WIPF1: variants seen among roughly 807,000 people sequenced by gnomAD.
The protein encoded by WIPF1 is WAS/WASL interacting protein family member 1.
A neutral mutation model predicts 35.4 loss-of-function variants in WIPF1; 13 were observed. That is an observed-to-expected ratio of 0.37 (90% CI 0.24 to 0.58). The LOEUF is 0.58. Among genes scored for constraint, WIPF1 ranks in the 20% least tolerant of loss-of-function variants. The pLI, the probability that WIPF1 is intolerant of heterozygous loss-of-function variation, is 0.74. For synonymous variants in WIPF1, 267 were observed against 266.3 expected (o/e 1.00, Z -0.02); for missense variants, 591 against 667.0 (o/e 0.89, Z 1.25).
chr2:174,610,751 A>G (rs1400945604), intron 1 of WIPF1, among the ~76,000 whole-genome samples: 1 of 152,166 alleles, frequency 6.6e-6, no homozygotes, highest in African/African-American at 2.4e-5. Flanking sequence ...GTGTCAGAAT[A>G]GCCCGACATA....
intron 1 of WIPF1, among the ~76,000 whole-genome samples, chr2:174,607,976 T>C (rs1246188390): frequency 6.6e-6 from 1 of 152,108 alleles, no homozygotes; most frequent in Non-Finnish European, 1.5e-5. Flanking sequence ...GGCAAAAAGG[T>C]GCCAGGATAA....
At chr2:174,566,990 G>T in intron 7 of WIPF1, 80 bp downstream of exon 7, 1 of 1,409,130 alleles carries the variant, frequency 7.1e-7, no homozygotes, top group Non-Finnish European at 1.0e-6. Context: ...CAGGCAAGAA[G>T]CCTGGACTTT....
At chr2:174,649,112 A>G (rs1437043908) in intron 1 of WIPF1, among the ~76,000 whole-genome samples, 2 of 152,170 alleles carry the variant, frequency 1.3e-5, no homozygotes, top group African/African-American at 2.4e-5. Flanking sequence ...GATGACAGAC[A>G]TGAATCTGCA....
At chr2:174,612,126 G>A (rs1256618942) in intron 1 of WIPF1, among the ~76,000 whole-genome samples, 2 of 152,026 alleles carry the variant, frequency 1.3e-5, no homozygotes, top group Non-Finnish European at 2.9e-5. Flanking sequence ...CAAACTCTTG[G>A]CCTCAAGCAA....
intron 1 of WIPF1, among the ~76,000 whole-genome samples, chr2:174,624,101 G>A (rs905925497): frequency 1.3e-5 from 2 of 152,276 alleles, no homozygotes; most frequent in African/African-American, 4.8e-5. Flanking sequence ...CCTCACAGCT[G>A]CAAAAGGCAA....
intron 1 of WIPF1, among the ~76,000 whole-genome samples, chr2:174,646,907 G>A (rs770761826): frequency 8.5e-5 from 13 of 152,164 alleles, no homozygotes; most frequent in Non-Finnish European, 1.6e-4. Context: ...GAGCCACCAC[G>A]CAGAGCCATG....
At chr2:174,658,128 A>G (rs13417690) in intron 1 of WIPF1, among the ~76,000 whole-genome samples, 1,571 of 152,242 alleles carry the variant, frequency 0.01, 36 homozygotes, top group African/African-American at 0.035. Context: ...ATGCACAGGC[A>G]GGGAAAATGA....
chr2:174,615,624 A>C (rs1686484915), intron 1 of WIPF1, among the ~76,000 whole-genome samples: 1 of 152,242 alleles, frequency 6.6e-6, no homozygotes, highest in Non-Finnish European at 1.5e-5. Context: ...AAAAATATTT[A>C]AAGCAAAATA....
chr2:174,585,106 C>T (rs183613608), intron 2 of WIPF1, among the ~76,000 whole-genome samples: 1 of 152,276 alleles, frequency 6.6e-6, no homozygotes, highest in African/African-American at 2.4e-5. Context: ...CCGGAAGACA[C>T]TTTAATGGAA....
At chr2:174,658,554 TC>T (rs1260667361) in intron 1 of WIPF1, among the ~76,000 whole-genome samples, 1 of 152,062 alleles carries the variant, frequency 6.6e-6, no homozygotes, top group Non-Finnish European at 1.5e-5. Flanking sequence ...ATGCCACTGC[TC>T]CAAGCCCTGT....
chr2:174,607,835 G>C (rs1686219951), intron 1 of WIPF1, among the ~76,000 whole-genome samples: 2 of 152,204 alleles, frequency 1.3e-5, no homozygotes, highest in Non-Finnish European at 2.9e-5. Flanking sequence ...CAACAACTTA[G>C]AACAGTATCT....
chr2:174,632,600 T>C (rs1476465241), intron 1 of WIPF1, among the ~76,000 whole-genome samples: 3 of 150,610 alleles, frequency 2.0e-5, no homozygotes, highest in Non-Finnish European at 4.4e-5. Context: ...TCCCAGCTGC[T>C]TGGGAGGCTG....
intron 1 of WIPF1, chr2:174,626,056 G>T (rs987415208): frequency 2.6e-5 from 4 of 152,128 alleles, no homozygotes; most frequent in African/African-American, 9.7e-5. Flanking sequence ...TATTTAAGAT[G>T]ACATTTACAT....
upstream of WIPF1, chr2:174,598,361 G>C (rs1685889959): frequency 6.6e-6 from 1 of 152,028 alleles, no homozygotes; most frequent in Non-Finnish European, 1.5e-5. Context: ...ACTTAGGCTG[G>C]AGTGCAGTGG....
At chr2:174,611,597 C>T (rs1214838827) in intron 1 of WIPF1, among the ~76,000 whole-genome samples, 9 of 152,162 alleles carry the variant, frequency 5.9e-5, no homozygotes, top group Admixed American at 3.9e-4. Flanking sequence ...TCCAAACTTT[C>T]CCTTGGTCTC....
At chr2:174,661,827 G>C (rs897523298) in intron 1 of WIPF1, among the ~76,000 whole-genome samples, 2 of 152,190 alleles carry the variant, frequency 1.3e-5, no homozygotes, top group African/African-American at 4.8e-5. Flanking sequence ...GACCACCTTG[G>C]AGAGCTGGGT....
At chr2:174,576,230 C>CAAAAAA (rs66562213) in intron 3 of WIPF1, among the ~76,000 whole-genome samples, 2 of 98,924 alleles carry the variant, frequency 2.0e-5, no homozygotes, top group African/African-American at 8.7e-5. Context: ...TGCACTCCAG[C>CAAAAAA]AAAAAAAAAA....
At chr2:174,586,202 G>T (rs1465622) in intron 1 of WIPF1, among the ~76,000 whole-genome samples, 17,378 of 152,074 alleles carry the variant, frequency 0.11, 1,216 homozygotes, top group African/African-American at 0.19. Flanking sequence ...GTGGACGTGT[G>T]GGGGGTCAAC....
chr2:174,633,561 C>T (rs1449078344), intron 1 of WIPF1, among the ~76,000 whole-genome samples: 3 of 152,228 alleles, frequency 2.0e-5, no homozygotes, highest in Non-Finnish European at 4.4e-5. Flanking sequence ...GAACTTCCTT[C>T]TCTTAACTTG....
Sources: allele counts gnomAD v4.1 joint callset (sites outside exome capture counted in the v4.1 genomes callset), GRCh38; gene constraint gnomAD v4.1.1; transcripts MANE v1.5; gene names NCBI Gene and HGNC (gene_info 2026-07-23, HGNC 2026-07-21).